DZIP3: variants seen among roughly 807,000 people sequenced by gnomAD.
The protein encoded by DZIP3 is DAZ interacting zinc finger protein 3, also known as E3 ubiquitin-protein ligase DZIP3.
Under a neutral mutation model 162.0 loss-of-function variants are expected in DZIP3, and 118 were observed. That is an observed-to-expected ratio of 0.73 (90% CI 0.63 to 0.85). The LOEUF (loss-of-function observed/expected upper bound fraction) is 0.85. DZIP3 is among the 40% of genes least tolerant of loss of function. The pLI, the probability that DZIP3 is intolerant of heterozygous loss-of-function variation, is 0.00. For missense variants in DZIP3, 1,331 were observed against 1,407.0 expected (o/e 0.95, Z 0.86); for synonymous variants, 438 against 458.6 (o/e 0.96, Z 0.57).
chr3:108,653,507 G>GTGTATGTATATATATA (rs1273159630), intron 18 of DZIP3, among the ~76,000 whole-genome samples: 1 of 104,600 alleles, frequency 9.6e-6, no homozygotes, highest in Non-Finnish European at 2.0e-5. Flanking sequence ...GTGTGTGTGT[G>GTGTATGTATATATATA]TATATATATA....
chr3:108,603,527 A>G (rs550323114), intron 1 of DZIP3, among the ~76,000 whole-genome samples: 67 of 152,364 alleles, frequency 4.4e-4, no homozygotes, highest in African/African-American at 1.6e-3. Context: ...ACTATAGAAT[A>G]ACAATTATCT....
intron 1 of DZIP3, among the ~76,000 whole-genome samples, chr3:108,598,011 T>A (rs1401656923): frequency 1.3e-5 from 2 of 152,204 alleles, no homozygotes; most frequent in Non-Finnish European, 2.9e-5. Context: ...ATCTGAATTG[T>A]TTTGTTGAAT....
At chr3:108,631,057 T>TA (rs1373144207) in intron 8 of DZIP3, among the ~76,000 whole-genome samples, 14 of 39,878 alleles carry the variant, frequency 3.5e-4, no homozygotes, top group Non-Finnish European at 5.3e-4. Flanking sequence ...ACACACACAC[T>TA]CTCTCTCTCT....
intron 4 of DZIP3, among the ~76,000 whole-genome samples, chr3:108,615,965 T>TA (rs1419329845): frequency 9.9e-5 from 15 of 152,194 alleles, no homozygotes; most frequent in African/African-American, 3.6e-4. Context: ...AATGCCTTTT[T>TA]AAAAAATGTT....
chr3:108,634,927 C>T lies in DZIP3; in HGVS notation c.873C>T (p.Cys291=), dbSNP rs776464139. The T allele has an allele frequency of 1.9e-5, 30 of 1,609,072 alleles. 1 individual carries two copies. In the East Asian group the frequency reaches 5.8e-4, roughly 31 times the overall value. ...GCTGTGTTTATTTCCATAAAATTTG[C>T]TGGAAAAAGTTCAAGAATTTAAAGT... is the stretch of plus-strand genomic sequence containing the variant. The part of the protein sequence containing the change: ...KSCCVYFHKI[C]WKKFKNLKYP... The change falls in exon 10 of 33, where the codon TGC becomes TGT. Residue 291 remains cysteine (C), a synonymous_variant. Transcript: ENST00000361582.
intron 27 of DZIP3, among the ~76,000 whole-genome samples, chr3:108,685,413 CTGTT>C (rs991649186): frequency 1.3e-5 from 2 of 152,094 alleles, no homozygotes; most frequent in African/African-American, 4.8e-5. Flanking sequence ...ATTACAGTGA[CTGTT>C]AGTAGTTGCT....
At chr3:108,649,784 TA>T (rs953066770) in intron 17 of DZIP3, among the ~76,000 whole-genome samples, 2 of 151,810 alleles carry the variant, frequency 1.3e-5, no homozygotes, top group African/African-American at 4.8e-5. Context: ...AGTCAAGATT[TA>T]AAAAAGAATT....
chr3:108,663,849 T>C (rs966689276), intron 21 of DZIP3, among the ~76,000 whole-genome samples: 3 of 152,206 alleles, frequency 2.0e-5, no homozygotes, highest in Non-Finnish European at 4.4e-5. Flanking sequence ...ATCAAGGGCC[T>C]ACTATATTAG....
intron 21 of DZIP3, among the ~76,000 whole-genome samples, chr3:108,666,762 C>T (rs1943696962): frequency 6.6e-6 from 1 of 152,058 alleles, no homozygotes; most frequent in Non-Finnish European, 1.5e-5. Flanking sequence ...CTCCAAAGGC[C>T]TGGAAACTAT....
At chr3:108,612,850 A>T (rs928777680) in intron 4 of DZIP3, among the ~76,000 whole-genome samples, 3 of 152,138 alleles carry the variant, frequency 2.0e-5, no homozygotes, top group Admixed American at 6.6e-5. Context: ...ACCTGTGGAT[A>T]TGGAGGGCAA....
intron 16 of DZIP3, 109 bp from the exon 17 acceptor site, chr3:108,648,809 A>G (rs1373920569): frequency 5.9e-6 from 3 of 509,248 alleles, no homozygotes; most frequent in Admixed American, 9.4e-5. Context: ...AGAAATACCT[A>G]TAATATTAGA....
rs4241396 is a variant in DZIP3 at position 108,694,265 on chromosome 3, T to A, written c.*912T>A. Reference sequence around the variant, plus strand: ...CTGGAACATGTGAGGGAAAAATATTTAAAAAAAGATGGCAGTCATCTAGAC... The same window carrying A: ...CTGGAACATGTGAGGGAAAAATATTAAAAAAAAGATGGCAGTCATCTAGAC... On this transcript the variant is annotated 3_prime_UTR_variant, in exon 33 of 33. Coordinates refer to ENST00000361582, the MANE Select transcript of DZIP3 (RefSeq NM_014648.4). The A allele has an allele frequency of 0.96, 145,488 of 152,150 alleles. 69,919 individuals are homozygous for A. The highest frequency in any genetic ancestry group is 1 in the East Asian group (5,186 of 5,186). The allele number at this position is 152,150 out of a possible 1,614,324, so 9.4% of individuals were successfully genotyped here.
chr3:108,688,205 C>A, intron 29 of DZIP3, 109 bp downstream of exon 29: 1 of 1,310,940 alleles, frequency 7.6e-7, no homozygotes, highest in South Asian at 1.5e-5. Flanking sequence ...AACTTGTAAT[C>A]ATATTAAATC....
intron 27 of DZIP3, 91 bp downstream of exon 27, chr3:108,684,432 T>G: frequency 6.9e-7 from 1 of 1,445,632 alleles, no homozygotes; most frequent in Non-Finnish European, 9.4e-7. Context: ...TGTTCATTCA[T>G]TTGATATGAT....
chr3:108,654,780 T>A (rs1349326504), intron 19 of DZIP3, among the ~76,000 whole-genome samples: 2 of 152,172 alleles, frequency 1.3e-5, no homozygotes, highest in Non-Finnish European at 1.5e-5. Context: ...TAGTTGTCAC[T>A]GCTTGGAATG....
intron 1 of DZIP3, among the ~76,000 whole-genome samples, chr3:108,593,725 G>C (rs144186867): frequency 0.014 from 2,066 of 149,896 alleles, 52 homozygotes; most frequent in African/African-American, 0.048. Flanking sequence ...GCCCAGGCTG[G>C]AGTGCAGTGG....
intron 1 of DZIP3, among the ~76,000 whole-genome samples, chr3:108,601,542 C>A (rs1423610850): frequency 6.6e-6 from 1 of 152,144 alleles, no homozygotes; most frequent in Non-Finnish European, 1.5e-5. Context: ...GTTTTCCACA[C>A]CGATACTCAC....
chr3:108,666,636 C>T (rs561349981), intron 21 of DZIP3, among the ~76,000 whole-genome samples: 1 of 152,136 alleles, frequency 6.6e-6, no homozygotes, highest in Non-Finnish European at 1.5e-5. Flanking sequence ...TAGACAATAA[C>T]CTGGGCCATA....
At chr3:108,665,069 G>A (rs569535080) in intron 21 of DZIP3, among the ~76,000 whole-genome samples, 4 of 152,162 alleles carry the variant, frequency 2.6e-5, no homozygotes, top group African/African-American at 7.2e-5. Context: ...AAAATATCTA[G>A]GCTACATTAG....
Sources: allele counts gnomAD v4.1 joint callset (sites outside exome capture counted in the v4.1 genomes callset), GRCh38; gene constraint gnomAD v4.1.1; transcripts MANE v1.5; gene names NCBI Gene and HGNC (gene_info 2026-07-23, HGNC 2026-07-21).